Variants in TSPEAR observed in about 807,000 individuals in gnomAD.
TSPEAR encodes the protein thrombospondin-type laminin G domain and EAR repeat-containing protein.
TSPEAR carries 69 observed loss-of-function variants against 71.6 expected under a neutral mutation model. That is an observed-to-expected ratio of 0.96 (90% CI 0.79 to 1.18). The LOEUF (loss-of-function observed/expected upper bound fraction) is 1.18, where lower values mean the gene tolerates loss of function less well. Ranked by LOEUF, TSPEAR falls within the 50% of genes most tolerant of loss-of-function variation. The pLI is 0.00. For synonymous variants in TSPEAR, 402 were observed against 387.2 expected (o/e 1.04, Z -0.45); for missense variants, 971 against 894.9 (o/e 1.09, Z -1.09).
chr21:44,577,833 C>T (rs960801816), intron 1 of TSPEAR, among the ~76,000 whole-genome samples: 1 of 152,104 alleles, frequency 6.6e-6, no homozygotes, highest in Non-Finnish European at 1.5e-5. Flanking sequence ...AATAAATTAC[C>T]AATATCGGAT....
Position 44,642,608 on chromosome 21 carries a change from C to T in TSPEAR, c.82+68825G>A, listed in dbSNP as rs146804690. ...CCTGTAATCCCAGCACTTTGAGAGGCCGAGGCAGGCAGATCACGAGGTCAG... is the reference window on the plus strand; with the variant it reads ...CCTGTAATCCCAGCACTTTGAGAGGTCGAGGCAGGCAGATCACGAGGTCAG... On this transcript the variant is annotated intron_variant, in intron 1 of 11. Transcript: ENST00000323084. The surrounding 1 kb of genome is among the most constrained non-coding windows in gnomAD (Gnocchi z 4.1). Among the ~76,000 whole-genome samples the T allele has an allele frequency of 0.01, 1,547 of 152,276 alleles. 19 individuals are homozygous for T. Among genetic ancestry groups the T allele is most frequent in the African/African-American group, 0.035 (1,460 of 41,544 alleles).
At chr21:44,697,655 T>G (rs1555950912) in intron 1 of TSPEAR, 2 of 1,614,002 alleles carry the variant, frequency 1.2e-6, no homozygotes, top group Admixed American at 3.3e-5. Context: ...ACAGTCCTGC[T>G]GTGTGCCCGT....
rs587725983 is a variant in TSPEAR at position 44,527,370 on chromosome 21, G to A, written c.1071C>T (p.Thr357=). The A allele has an allele frequency of 5.6e-6, 9 of 1,614,134 alleles. No homozygotes were observed. Among genetic ancestry groups the A allele is most frequent in the South Asian group, 2.2e-5 (2 of 91,078 alleles). ...TCTGATATGAGACGAACTTCTCTTCGGTCCACTTGTAGACGGCGGATGTGG... is the reference window on the plus strand; with the variant it reads ...TCTGATATGAGACGAACTTCTCTTCAGTCCACTTGTAGACGGCGGATGTGG... The part of the protein sequence containing the change: ...RKATSAVYKW[T]EEKFVSYQNI... Residue 357 remains threonine, a synonymous_variant, in exon 7 of 12, where the codon ACC becomes ACT. Transcript: ENST00000323084.
intron 6 of TSPEAR, 129 bp from the exon 7 acceptor site, chr21:44,527,647 A>C: frequency 2.4e-6 from 2 of 839,966 alleles, no homozygotes; most frequent in Non-Finnish European, 3.8e-6. Flanking sequence ...CTCGGGCATC[A>C]GTTTCCACGT....
chr21:44,645,444 C>T lies in TSPEAR; in HGVS notation c.82+65989G>A, dbSNP rs587744313. On this transcript the variant is annotated intron_variant, in intron 1 of 11. Coordinates refer to ENST00000323084, the MANE Select transcript of TSPEAR (RefSeq NM_144991.3). Reference sequence around the variant, plus strand: ...CAATCTCAGCTCACTGCAACCTCCACCTCCTGGGTTCAAGAATTCTCCTGC... The same window carrying T: ...CAATCTCAGCTCACTGCAACCTCCATCTCCTGGGTTCAAGAATTCTCCTGC... Among the ~76,000 whole-genome samples the T allele has an allele frequency of 4.3e-4, 66 of 151,948 alleles. No homozygotes were observed. The East Asian group carries it at 0.012, about 28-fold the overall frequency.
rs782728227 is a variant in TSPEAR, at chr21:44,556,324, G to C, written c.303+11461C>G. Among the ~76,000 whole-genome samples, 3 of 152,088 alleles carry C rather than the reference G, an allele frequency of 2.0e-5. No homozygotes were observed. The East Asian group carries it at 5.8e-4, about 29-fold the overall frequency. On this transcript the variant is annotated intron_variant, in intron 2 of 11. Coordinates refer to ENST00000323084, the MANE Select transcript of TSPEAR (RefSeq NM_144991.3). ...CCGGGAGGCAGAAGTTGTACTGAGC[G>C]GAGATTGCTCCACTGCACTCTAGCC...
intron 7 of TSPEAR, among the ~76,000 whole-genome samples, chr21:44,526,851 G>A (rs1331238836): frequency 6.6e-6 from 1 of 152,246 alleles, no homozygotes; most frequent in Admixed American, 6.5e-5. Context: ...CAGCCTGCGA[G>A]GTCCCACCCA....
intron 1 of TSPEAR, among the ~76,000 whole-genome samples, chr21:44,689,352 A>G (rs1555949393): frequency 6.6e-6 from 1 of 151,870 alleles, no homozygotes. Context: ...AATACAAAAA[A>G]TTAGCCAGGC....
At chr21:44,707,533 T>G (rs1056481793) in intron 1 of TSPEAR, among the ~76,000 whole-genome samples, 2 of 150,554 alleles carry the variant, frequency 1.3e-5, no homozygotes, top group African/African-American at 4.9e-5. Context: ...TCCAATAGAG[T>G]GTGTGGGGCT....
In TSPEAR at chr21:44,612,741, G is replaced by A. The variant is rs782180941; in HGVS notation, c.83-44736C>T. 254 of 1,613,304 alleles carry A rather than the reference G, an allele frequency of 1.6e-4. No homozygotes were observed. The East Asian group carries it at 4.7e-3, about 30-fold the overall frequency. ...TCCTCCTCCGTGTCCCTCCTCTGCC[G>A]CCCTGTGTGCCGGCCTGCCTGCTGT... On this transcript the variant is annotated intron_variant, in intron 1 of 11. Coordinates refer to ENST00000323084, the MANE Select transcript of TSPEAR (RefSeq NM_144991.3). This position sits in a 1 kb window ranked among gnomAD's most constrained non-coding sequence, Gnocchi z 4.1.
rs113976808 is a variant in TSPEAR at position 44,500,291 on chromosome 21, G to T, written c.1857-355C>A. Among the ~76,000 whole-genome samples, 152 of 152,256 alleles carry T rather than the reference G, an allele frequency of 1.0e-3. 1 individual carries two copies. The highest frequency in any genetic ancestry group is 3.6e-3 in the African/African-American group (148 of 41,552). Reference sequence around the variant, plus strand: ...TCCCCAGGGCCCCCCTCAAACACACGCAGGCCACCACGCAGGCTGGAACCC... The same window carrying T: ...TCCCCAGGGCCCCCCTCAAACACACTCAGGCCACCACGCAGGCTGGAACCC... On this transcript the variant is annotated intron_variant, in intron 11 of 11. Coordinates refer to ENST00000323084, the MANE Select transcript of TSPEAR (RefSeq NM_144991.3).
intron 2 of TSPEAR, chr21:44,539,976 G>A: frequency 2.5e-6 from 4 of 1,613,374 alleles, no homozygotes; most frequent in Non-Finnish European, 3.4e-6. Flanking sequence ...CAGGCTGCCT[G>A]GCAGCAGGGG....
At chr21:44,502,941 C>CGG (rs587697592) in intron 11 of TSPEAR, among the ~76,000 whole-genome samples, 594 of 52,320 alleles carry the variant, frequency 0.011, 16 homozygotes, top group Middle Eastern at 0.023. Flanking sequence ...AGTGAGCCCT[C>CGG]GGGGAAGCAA....
At position 44,591,368 on chromosome 21, in the gene TSPEAR, C is replaced by T. The variant is rs368499535; in HGVS notation, c.83-23363G>A. On this transcript the variant is annotated intron_variant, in intron 1 of 11. Coordinates refer to ENST00000323084, the MANE Select transcript of TSPEAR (RefSeq NM_144991.3). Reference sequence around the variant, plus strand: ...GTCAGCCCCTGGTGGGAAGGGACTCCGGATCACATCCAGGGCTGTCAGCAG... The same window carrying T: ...GTCAGCCCCTGGTGGGAAGGGACTCTGGATCACATCCAGGGCTGTCAGCAG... 1.9e-4 allele frequency: 306 copies of T among 1,583,246 alleles called. 1 individual carries two copies. The African/African-American group carries it at 3.0e-3, about 16-fold the overall frequency.
Position 44,525,841 on chromosome 21 carries a change from T to C in TSPEAR, c.1150-2A>G. ...AAAATTAGCCACTGCCAGGAAGATC[T>C]GAAAGAGAGTAAACCGGGACCACGT... On this transcript the variant is annotated splice_acceptor_variant, in intron 7 of 11. Transcript: ENST00000323084. LOFTEE classifies it high-confidence loss of function. The C allele has an allele frequency of 1.2e-6, 2 of 1,613,960 alleles. No individual in the cohort carries two copies. The highest frequency in any genetic ancestry group is 1.7e-6 in the Non-Finnish European group (2 of 1,179,986).
At chr21:44,600,709 G>C (rs782441627) in intron 1 of TSPEAR, 2 of 1,613,152 alleles carry the variant, frequency 1.2e-6, no homozygotes, top group Admixed American at 1.7e-5. Flanking sequence ...CTCTTGCTCC[G>C]ACTCCTGGCA....
At chr21:44,521,046 A>G (rs2052723291) in intron 9 of TSPEAR, among the ~76,000 whole-genome samples, 1 of 152,200 alleles carries the variant, frequency 6.6e-6, no homozygotes. Flanking sequence ...AGGCCCTGAG[A>G]ACATTTCTGC....
intron 1 of TSPEAR, chr21:44,591,774 C>T (rs200431969): frequency 3.2e-6 from 5 of 1,575,908 alleles, no homozygotes; most frequent in Non-Finnish European, 4.3e-6. Context: ...GCACACAGCA[C>T]ACAGGCACGC....
rs370823819 is a variant in TSPEAR, at chr21:44,625,640, G to A, written c.83-57635C>T. Among the ~76,000 whole-genome samples, 5 of 152,344 alleles carry A rather than the reference G, an allele frequency of 3.3e-5. 1 individual carries two copies. The highest frequency in any genetic ancestry group is 1.5e-5 in the Non-Finnish European group (1 of 68,030). On this transcript the variant is annotated intron_variant, in intron 1 of 11. Coordinates refer to ENST00000323084, the MANE Select transcript of TSPEAR (RefSeq NM_144991.3). ...CTGAGTGGACCTCGGGGAAGGCCGC[G>A]GGGAGCGGCATGGCCTCTCTTTCCT...
Sources: gnomAD v4.1 joint callset for allele counts (sites outside exome capture counted in the v4.1 genomes callset) on GRCh38, gnomAD v4.1.1 for gene constraint, Gnocchi (gnomAD v3.1) non-coding constraint, MANE v1.5 for transcripts, NCBI Gene and HGNC (gene_info 2026-07-23, HGNC 2026-07-21) for gene names.